GOLGA4: variants seen among roughly 807,000 people sequenced by gnomAD.
GOLGA4 encodes the protein golgin subfamily A member 4.
GOLGA4 carries 169 observed loss-of-function variants against 265.9 expected under a neutral mutation model. The ratio of observed to expected loss-of-function variants is 0.64; its 90% CI spans 0.56 to 0.72. The LOEUF (loss-of-function observed/expected upper bound fraction) is 0.72, where lower values mean the gene tolerates loss of function less well. Among genes scored for constraint, GOLGA4 ranks in the 30% least tolerant of loss-of-function variants. GOLGA4 has a pLI of 0.00. For synonymous variants in GOLGA4, 923 were observed against 855.8 expected, an observed-to-expected ratio of 1.08 and a Z score of -1.37; for missense variants, 2,482 against 2,483.4, an observed-to-expected ratio of 1.00 and a Z score of 0.01.
At chr3:37,275,877 T>A (rs2096816356) in intron 2 of GOLGA4, 1 of 1,613,588 alleles carries the variant, frequency 6.2e-7, no homozygotes, top group Non-Finnish European at 8.5e-7. Context: ...GATGAGGAAG[T>A]TACATCTTTG....
Position 37,324,008 on chromosome 3 carries a change from T to A in GOLGA4, c.2122T>A (p.Ser708Thr). The A allele has an allele frequency of 6.2e-7, 1 of 1,613,888 alleles. No individual in the cohort carries two copies. Among genetic ancestry groups the A allele is most frequent in the Non-Finnish European group, 8.5e-7 (1 of 1,179,952 alleles). The change falls in exon 14 of 24, where the codon TCT (serine) becomes ACT (threonine). Residue 708 changes from serine to threonine, a missense_variant. Ser to Thr is a moderately conservative substitution (Grantham distance 58). Transcript: ENST00000361924. ...KARHKLEEEL[S>T]VLKDQTDKMK... ...CCGTCACAAACTAGAAGAGGAACTTTCTGTTCTGAAAGATCAAACAGATAA... is the reference window on the plus strand; with the variant it reads ...CCGTCACAAACTAGAAGAGGAACTTACTGTTCTGAAAGATCAAACAGATAA...
At chr3:37,309,209 G>A (rs142558715) in intron 10 of GOLGA4, among the ~76,000 whole-genome samples, 57 of 150,940 alleles carry the variant, frequency 3.8e-4, no homozygotes, top group African/African-American at 1.4e-3. Context: ...CCAAGATCAC[G>A]CCACTGCACT....
chr3:37,245,423 TA>T (rs1194728727), intron 1 of GOLGA4: 1 of 152,184 alleles, frequency 6.6e-6, no homozygotes, highest in African/African-American at 2.4e-5. Flanking sequence ...AAGCAGCAGG[TA>T]AAATGTGATC....
At chr3:37,344,480 A>G (rs1449111347) in intron 20 of GOLGA4, among the ~76,000 whole-genome samples, 1 of 147,736 alleles carries the variant, frequency 6.8e-6, no homozygotes. Flanking sequence ...GCCTGCTCTA[A>G]TACCTCACTG....
In GOLGA4 at chr3:37,340,768, A is replaced by G. The variant is rs536744184; in HGVS notation, c.6472+569A>G. On this transcript the variant is annotated intron_variant, in intron 20 of 23. Coordinates refer to ENST00000361924, the MANE Select transcript of GOLGA4 (RefSeq NM_002078.5). ...CTCCAGGTTCATCCATGTTGTTCCAATGGCAGAGTTTTCTTCTGTTTGGAG... is the reference window on the plus strand; with the variant it reads ...CTCCAGGTTCATCCATGTTGTTCCAGTGGCAGAGTTTTCTTCTGTTTGGAG... 6.0e-4 allele frequency among the ~76,000 whole-genome samples: 92 copies of G among 152,298 alleles called. No homozygotes were observed. In the South Asian group the frequency reaches 7.9e-3, roughly 13 times the overall value.
intron 2 of GOLGA4, among the ~76,000 whole-genome samples, chr3:37,262,561 A>C (rs2096772699): frequency 6.6e-6 from 1 of 152,102 alleles, no homozygotes; most frequent in Non-Finnish European, 1.5e-5. Flanking sequence ...TGTAAATCAC[A>C]ATAAAACTCA....
chr3:37,319,209 T>G lies in GOLGA4; in HGVS notation c.1545+15T>G. On this transcript the variant is annotated intron_variant, in intron 12 of 23. Transcript: ENST00000361924. Reference sequence around the variant, plus strand: ...AAGTAGCTCTTGTAAGTGACTATTTTTTTTTTTCTGCTATAGGTATACTTC... The same window carrying G: ...AAGTAGCTCTTGTAAGTGACTATTTGTTTTTTTCTGCTATAGGTATACTTC... 4 of 1,586,732 alleles carry G rather than the reference T, an allele frequency of 2.5e-6. No individual in the cohort carries two copies. The highest frequency in any genetic ancestry group is 3.4e-6 in the Non-Finnish European group (4 of 1,169,300).
intron 20 of GOLGA4, among the ~76,000 whole-genome samples, chr3:37,346,196 GCATGTAATGTA>G (rs1372916585): frequency 3.9e-5 from 6 of 152,196 alleles, no homozygotes; most frequent in Non-Finnish European, 7.4e-5. Flanking sequence ...AAATGTGAGT[GCATGTAATGTA>G]CATGTAATGT....
intron 2 of GOLGA4, among the ~76,000 whole-genome samples, chr3:37,258,122 A>G (rs1442280958): frequency 7.1e-6 from 1 of 140,096 alleles, no homozygotes; most frequent in Non-Finnish European, 1.5e-5. Flanking sequence ...ATGTGTGTAT[A>G]TATATATGCT....
At chr3:37,256,485 A>G (rs2096749095) in intron 2 of GOLGA4, among the ~76,000 whole-genome samples, 1 of 151,220 alleles carries the variant, frequency 6.6e-6, no homozygotes, top group African/African-American at 2.4e-5. Context: ...AAAAAAAGGG[A>G]CATAAAAAAA....
At chr3:37,293,465 T>C (rs2096870186) in intron 5 of GOLGA4, among the ~76,000 whole-genome samples, 1 of 152,220 alleles carries the variant, frequency 6.6e-6, no homozygotes, top group Non-Finnish European at 1.5e-5. Context: ...TGGTAAAAGA[T>C]AGGATCTAAA....
intron 1 of GOLGA4, among the ~76,000 whole-genome samples, chr3:37,247,668 G>C (rs1460311639): frequency 6.6e-6 from 1 of 152,174 alleles, no homozygotes; most frequent in Non-Finnish European, 1.5e-5. Flanking sequence ...GCATGACTGG[G>C]TTCTCTGCTC....
chr3:37,362,780 C>CCTTTTTTTTTTTTT (rs1375290747), intron 23 of GOLGA4, among the ~76,000 whole-genome samples: 13 of 75,458 alleles, frequency 1.7e-4, no homozygotes, highest in South Asian at 1.1e-3. Context: ...AGCCTCTAAG[C>CCTTTTTTTTTTTTT]TTTTTTTTTT....
At chr3:37,362,936 C>A (rs1273101719) in intron 23 of GOLGA4, among the ~76,000 whole-genome samples, 1 of 151,788 alleles carries the variant, frequency 6.6e-6, no homozygotes, top group African/African-American at 2.4e-5. Context: ...GTACCCGCCA[C>A]CATGCCCAGC....
chr3:37,304,189 A>G lies in GOLGA4; in HGVS notation c.1234+1857A>G, dbSNP rs7626399. ...TGGAGAAGGTAAGATGAAGACTTTG[A>G]AAAGGTCCTTGAATTTGGCAAGGAT... is the stretch of plus-strand genomic sequence containing the variant. On this transcript the variant is annotated intron_variant, in intron 10 of 23. Coordinates refer to ENST00000361924, the MANE Select transcript of GOLGA4 (RefSeq NM_002078.5). 9.5e-3 allele frequency among the ~76,000 whole-genome samples: 1,449 copies of G among 152,292 alleles called. 34 individuals carry two copies. The highest frequency in any genetic ancestry group is 0.033 in the African/African-American group (1,360 of 41,558).
chr3:37,265,621 A>C (rs2096781606), intron 2 of GOLGA4, among the ~76,000 whole-genome samples: 1 of 152,194 alleles, frequency 6.6e-6, no homozygotes, highest in Non-Finnish European at 1.5e-5. Context: ...ATTTGGTGTT[A>C]AGTATACACC....
intron 9 of GOLGA4, among the ~76,000 whole-genome samples, chr3:37,301,032 C>G (rs1457991492): frequency 6.6e-6 from 1 of 152,172 alleles, no homozygotes; most frequent in Non-Finnish European, 1.5e-5. Context: ...GCCTCACTTA[C>G]GTGGTTGTTA....
Position 37,348,136 on chromosome 3 carries a change from A to G in GOLGA4, c.6576+840A>G, listed in dbSNP as rs184511115. On this transcript the variant is annotated intron_variant, in intron 21 of 23. Transcript: ENST00000361924. ...TGTGGGAGTTGCTGAGTCATAGGAT[A>G]CTAAGCAGGTTCAAGCACTGATTTG... is the stretch of plus-strand genomic sequence containing the variant. 4.0e-4 allele frequency among the ~76,000 whole-genome samples: 61 copies of G among 152,296 alleles called. No individual in the cohort carries two copies. The East Asian group carries it at 9.4e-3, about 24-fold the overall frequency.
At chr3:37,280,980 G>C (rs538325925) in intron 2 of GOLGA4, among the ~76,000 whole-genome samples, 9 of 152,164 alleles carry the variant, frequency 5.9e-5, no homozygotes, top group African/African-American at 2.2e-4. Flanking sequence ...TTATTTTCCT[G>C]TATTTTTTGC....
Sources: gnomAD v4.1 joint callset for allele counts (sites outside exome capture counted in the v4.1 genomes callset) on GRCh38, gnomAD v4.1.1 for gene constraint, MANE v1.5 for transcripts, NCBI Gene and HGNC (gene_info 2026-07-23, HGNC 2026-07-21) for gene names.